DNAH3: variants seen among roughly 807,000 people sequenced by gnomAD.
DNAH3 encodes dynein axonemal heavy chain 3, also known as axonemal beta dynein heavy chain 3.
In DNAH3, 332 loss-of-function variants were observed where a neutral mutation model predicts 432.5. The ratio of observed to expected loss-of-function variants is 0.77; its 90% CI spans 0.70 to 0.84. The LOEUF (loss-of-function observed/expected upper bound fraction) is 0.84. Among genes scored for constraint, DNAH3 ranks in the 40% least tolerant of loss-of-function variants. The pLI, the probability that DNAH3 is intolerant of heterozygous loss-of-function variation, is 0.00. For missense variants in DNAH3, 4,861 were observed against 5,114.0 expected, an observed-to-expected ratio of 0.95 and a Z score of 1.51; for synonymous variants, 1,956 against 1,900.2, an observed-to-expected ratio of 1.03 and a Z score of -0.76.
At chr16:20,955,127 A>G in intron 54 of DNAH3, 70 bp from the exon 55 acceptor site, 3 of 1,471,492 alleles carry the variant, frequency 2.0e-6, no homozygotes, top group Non-Finnish European at 2.7e-6. Context: ...CAACAAAAAC[A>G]AAACAATAAC....
chr16:21,147,364 C>CTG (rs2092799100), intron 1 of DNAH3, among the ~76,000 whole-genome samples: 1 of 151,728 alleles, frequency 6.6e-6, no homozygotes, highest in Admixed American at 6.6e-5. Flanking sequence ...GATGGGTGCC[C>CTG]ACCACCATGC....
chr16:20,999,990 G>A (rs1485531621), intron 43 of DNAH3, among the ~76,000 whole-genome samples: 2 of 140,228 alleles, frequency 1.4e-5, no homozygotes, highest in Non-Finnish European at 3.1e-5. Flanking sequence ...AGAAAAGGAG[G>A]AAAGAAGGAA....
chr16:21,080,919 T>C (rs2091161945), intron 20 of DNAH3, among the ~76,000 whole-genome samples: 1 of 152,124 alleles, frequency 6.6e-6, no homozygotes, highest in African/African-American at 2.4e-5. Context: ...CTTCTTTTTT[T>C]TTCTTTTTTT....
At chr16:21,102,061 AATCC>A (rs2091850411) in intron 16 of DNAH3, among the ~76,000 whole-genome samples, 1 of 152,226 alleles carries the variant, frequency 6.6e-6, no homozygotes, top group Admixed American at 6.5e-5. Context: ...AATATGGCTT[AATCC>A]ATCTCACAGG....
intron 18 of DNAH3, among the ~76,000 whole-genome samples, chr16:21,095,342 G>A (rs2091645616): frequency 6.6e-6 from 1 of 152,184 alleles, no homozygotes; most frequent in Admixed American, 6.5e-5. Context: ...TGTATCCATA[G>A]AATGGGATAC....
chr16:20,949,484 T>C (rs1255149422), intron 56 of DNAH3, among the ~76,000 whole-genome samples: 1 of 152,180 alleles, frequency 6.6e-6, no homozygotes, highest in African/African-American at 2.4e-5. Flanking sequence ...CTGTGCCTAA[T>C]TTATAAATTA....
rs537797255 is a variant in DNAH3 at position 21,121,405 on chromosome 16, C to T, written c.1584+540G>A. On this transcript the variant is annotated intron_variant, in intron 10 of 61. Transcript: ENST00000261383. ...CTACAGTGGCTAAAACATAACAAAC[C>T]AACAAACAAATAAGCACACAGAAGA... is the stretch of plus-strand genomic sequence containing the variant. 5.3e-5 allele frequency among the ~76,000 whole-genome samples: 8 copies of T among 152,078 alleles called. No individual in the cohort carries two copies. In the South Asian group the frequency reaches 6.2e-4, roughly 12 times the overall value.
intron 57 of DNAH3, among the ~76,000 whole-genome samples, chr16:20,945,197 C>T (rs1018181633): frequency 3.9e-5 from 6 of 152,296 alleles, no homozygotes; most frequent in South Asian, 2.1e-4. Flanking sequence ...CGGAAGTGAC[C>T]TCTAGTTGAC....
chr16:20,987,943 T>C, exon 45 of DNAH3: 1 of 1,614,138 alleles, frequency 6.2e-7, no homozygotes, highest in Middle Eastern at 1.6e-4. Context: ...ACCTCTTACC[T>C]TAAAAACATC....
exon 25 of DNAH3, chr16:21,062,665 G>C (rs768318201): frequency 6.2e-7 from 1 of 1,613,350 alleles, no homozygotes; most frequent in Admixed American, 1.7e-5. Context: ...GCAGCTCATC[G>C]TTTGATAGGA....
At chr16:21,067,804 T>TGAGAGAGAGAGAGAGAGAGAGAGAGAGA (rs1555545880) in intron 23 of DNAH3, among the ~76,000 whole-genome samples, 2 of 75,656 alleles carry the variant, frequency 2.6e-5, no homozygotes, top group African/African-American at 1.0e-4. Flanking sequence ...AGAGAGAGAC[T>TGAGAGAGAGAGAGAGAGAGAGAGAGAGA]GACTAAGGCA....
chr16:21,064,217 C>T (rs893848303), intron 24 of DNAH3, among the ~76,000 whole-genome samples: 1 of 152,144 alleles, frequency 6.6e-6, no homozygotes, highest in Non-Finnish European at 1.5e-5. Context: ...ACCCTGTGAC[C>T]ACCACCATAT....
At chr16:20,958,445 C>T (rs540295619) in intron 54 of DNAH3, among the ~76,000 whole-genome samples, 6 of 152,284 alleles carry the variant, frequency 3.9e-5, no homozygotes, top group East Asian at 3.9e-4. Flanking sequence ...TTTCCAGCTA[C>T]GTCTCCTATT....
intron 42 of DNAH3, among the ~76,000 whole-genome samples, chr16:21,001,007 C>T (rs1458507723): frequency 6.6e-6 from 1 of 152,200 alleles, no homozygotes; most frequent in East Asian, 1.9e-4. Context: ...GGTCTACCTC[C>T]CCTATGCCAT....
intron 38 of DNAH3, among the ~76,000 whole-genome samples, chr16:21,025,487 TTA>T (rs1249078462): frequency 1.4e-5 from 2 of 147,988 alleles, no homozygotes; most frequent in African/African-American, 4.9e-5. Flanking sequence ...AATTATGTAA[TTA>T]TAGATGTAAT....
chr16:20,951,333 T>C (rs563928103), intron 56 of DNAH3, among the ~76,000 whole-genome samples: 1 of 152,184 alleles, frequency 6.6e-6, no homozygotes, highest in South Asian at 2.1e-4. Flanking sequence ...CCATCTCTTA[T>C]GCCTTTAAGA....
chr16:21,148,170 C>G (rs2092809122), intron 1 of DNAH3, among the ~76,000 whole-genome samples: 1 of 152,084 alleles, frequency 6.6e-6, no homozygotes, highest in African/African-American at 2.4e-5. Flanking sequence ...TGCCCCCAAC[C>G]CCTTAAAGAT....
chr16:21,137,879 A>G (rs2092665212), intron 5 of DNAH3, among the ~76,000 whole-genome samples: 1 of 152,236 alleles, frequency 6.6e-6, no homozygotes, highest in South Asian at 2.1e-4. Flanking sequence ...GGCTCTGGGA[A>G]TGACTAATGT....
At chr16:21,106,972 A>G (rs2091962552) in intron 14 of DNAH3, among the ~76,000 whole-genome samples, 1 of 152,062 alleles carries the variant, frequency 6.6e-6, no homozygotes, top group Non-Finnish European at 1.5e-5. Flanking sequence ...TAATCCTCAC[A>G]ACAATTCTAA....
Sources: gnomAD v4.1 joint callset for allele counts (sites outside exome capture counted in the v4.1 genomes callset) on GRCh38, gnomAD v4.1.1 for gene constraint, MANE v1.5 for transcripts, NCBI Gene and HGNC (gene_info 2026-07-23, HGNC 2026-07-21) for gene names.